PTPRN2: variants seen among roughly 807,000 people sequenced by gnomAD.
PTPRN2 encodes the protein receptor-type tyrosine-protein phosphatase N2.
In PTPRN2, 74 loss-of-function variants were observed where a neutral mutation model predicts 118.8. The ratio of observed to expected loss-of-function variants is 0.62; its 90% CI spans 0.52 to 0.76. The LOEUF is 0.76. Ranked by LOEUF, PTPRN2 falls within the 30% of genes least tolerant of loss-of-function variation. The pLI is 0.00. For synonymous variants in PTPRN2, 641 were observed against 608.0 expected (o/e 1.05, Z -0.80); for missense variants, 1,481 against 1,394.4 (o/e 1.06, Z -0.99).
chr7:157,618,423 A>T lies in PTPRN2; in HGVS notation c.2344+2939T>A, dbSNP rs2150628412. 6.6e-6 allele frequency: 1 copy of T among 152,406 alleles called. No homozygotes were observed. The highest frequency in any genetic ancestry group is 2.4e-5 in the African/African-American group (1 of 41,550). 9.4% of individuals were successfully genotyped at this position (152,406 alleles called of 1,614,324 possible). Reference sequence around the variant, plus strand: ...AGCATGCAGACTCGCTTCCATCGCGACACAGAGGACAGCATGGAGCCCAGC... The same window carrying T: ...AGCATGCAGACTCGCTTCCATCGCGTCACAGAGGACAGCATGGAGCCCAGC... On this transcript the variant is annotated intron_variant, in intron 15 of 22. Transcript: ENST00000389418. The surrounding 1 kb of genome is among the most constrained non-coding windows in gnomAD (Gnocchi z 4.2).
intron 12 of PTPRN2, among the ~76,000 whole-genome samples, chr7:157,880,064 T>C (rs1185565636): frequency 6.6e-6 from 1 of 152,224 alleles, no homozygotes; most frequent in Middle Eastern, 3.2e-3. Context: ...TGGTTGAAAA[T>C]GACAGCTTCC....
Position 157,560,365 on chromosome 7 carries a change from C to T in PTPRN2, c.2902+8537G>A, listed in dbSNP as rs1275978375. ...GTGCTGCCCACACGGATGCCCAGAG[C>T]GTGTTCCCCAAGACCAGCGGGTCTC... On this transcript the variant is annotated intron_variant, in intron 21 of 22. Coordinates refer to ENST00000389418, the MANE Select transcript of PTPRN2 (RefSeq NM_002847.5). The surrounding 1 kb of genome is among the most constrained non-coding windows in gnomAD (Gnocchi z 6.7). Among the ~76,000 whole-genome samples, 3 of 152,148 alleles carry T rather than the reference C, an allele frequency of 2.0e-5. No individual in the cohort carries two copies. The highest frequency in any genetic ancestry group is 4.1e-4 in the South Asian group (2 of 4,832).
chr7:158,565,566 G>A lies in PTPRN2; in HGVS notation c.112+21992C>T, dbSNP rs750362211. Among the ~76,000 whole-genome samples, 8 of 152,160 alleles carry A rather than the reference G, an allele frequency of 5.3e-5. No individual in the cohort carries two copies. Among genetic ancestry groups the A allele is most frequent in the South Asian group, 2.1e-4 (1 of 4,830 alleles). On this transcript the variant is annotated intron_variant, in intron 1 of 22. Transcript: ENST00000389418. The surrounding 1 kb of genome is among the most constrained non-coding windows in gnomAD (Gnocchi z 4.6). ...TCTTAACTCGGACGGCAAACTTCCC[G>A]TCTGGGATCTGCAGGCTTCAACAAC...
In PTPRN2 at chr7:158,072,833, TG is replaced by T. The variant is rs377404513; in HGVS notation, c.1723+8464del. ...GGGAGAGTTTCAGATGCCAACGGGC[TG>T]GCGGAACATAATTTTTTAAATAATT... On this transcript the variant is annotated intron_variant, in intron 11 of 22. Transcript: ENST00000389418. Among the ~76,000 whole-genome samples, 100 of 152,332 alleles carry T rather than the reference TG, an allele frequency of 6.6e-4. 1 individual carries two copies. Among genetic ancestry groups the T allele is most frequent in the African/African-American group, 2.3e-3 (94 of 41,582 alleles).
intron 2 of PTPRN2, among the ~76,000 whole-genome samples, chr7:158,457,052 A>G (rs1232919104): frequency 6.6e-6 from 1 of 152,184 alleles, no homozygotes; most frequent in African/African-American, 2.4e-5. Context: ...TTAAAAAAAA[A>G]GTCATCTTGT....
chr7:157,922,608 T>C (rs1422385213), intron 11 of PTPRN2, among the ~76,000 whole-genome samples: 1 of 152,204 alleles, frequency 6.6e-6, no homozygotes, highest in African/African-American at 2.4e-5. Context: ...AAGAATGACT[T>C]TGTTCCCATG....
chr7:157,849,431 C>G (rs1382806522), intron 12 of PTPRN2, among the ~76,000 whole-genome samples: 1 of 152,198 alleles, frequency 6.6e-6, no homozygotes, highest in Non-Finnish European at 1.5e-5. Flanking sequence ...GAAGGTCTCC[C>G]AGGTCCCTGA....
chr7:158,320,896 T>C (rs1802958050), intron 2 of PTPRN2, among the ~76,000 whole-genome samples: 1 of 152,110 alleles, frequency 6.6e-6, no homozygotes, highest in South Asian at 2.1e-4. Context: ...GATACGTGCC[T>C]AGCAGTGAAA....
intron 3 of PTPRN2, among the ~76,000 whole-genome samples, chr7:158,307,457 G>A (rs1801385389): frequency 6.6e-6 from 1 of 152,084 alleles, no homozygotes; most frequent in Non-Finnish European, 1.5e-5. Flanking sequence ...CCAATGTACT[G>A]AGATACACGT....
intron 12 of PTPRN2, among the ~76,000 whole-genome samples, chr7:157,823,943 A>G (rs1807010964): frequency 6.6e-6 from 1 of 152,202 alleles, no homozygotes; most frequent in South Asian, 2.1e-4. Context: ...GGTATGAGAC[A>G]GACAGAGAAA....
chr7:157,681,423 C>G (rs1796910622), intron 13 of PTPRN2, among the ~76,000 whole-genome samples: 1 of 152,192 alleles, frequency 6.6e-6, no homozygotes, highest in African/African-American at 2.4e-5. Flanking sequence ...TGAAGCAAAG[C>G]TATGCACTGC....
intron 11 of PTPRN2, among the ~76,000 whole-genome samples, chr7:157,930,711 G>C (rs547786649): frequency 2.6e-5 from 4 of 152,320 alleles, no homozygotes; most frequent in Non-Finnish European, 4.4e-5. Context: ...GCAGGTAAGC[G>C]GGCAGCTTCC....
At chr7:158,531,105 C>T (rs368021082) in intron 1 of PTPRN2, among the ~76,000 whole-genome samples, 1 of 152,100 alleles carries the variant, frequency 6.6e-6, no homozygotes, top group Non-Finnish European at 1.5e-5. Flanking sequence ...GTGTTCAAAG[C>T]GAGAGGATCC....
rs192487130 is a variant in PTPRN2, at chr7:158,351,195, C to G, written c.164-34263G>C. ...GCACGGGTGAGGTGCAGGAGGAACT[C>G]GTGCTACCACCTCCACCCACCCCCA... On this transcript the variant is annotated intron_variant, in intron 2 of 22. Transcript: ENST00000389418. Among the ~76,000 whole-genome samples the G allele has an allele frequency of 6.8e-4, 104 of 152,292 alleles. 1 individual carries two copies. The highest frequency in any genetic ancestry group is 3.9e-3 in the South Asian group (19 of 4,824).
chr7:157,898,829 A>C (rs1434211728), intron 11 of PTPRN2, 92 bp from the exon 12 acceptor site: 1 of 1,179,466 alleles, frequency 8.5e-7, no homozygotes, highest in Non-Finnish European at 1.3e-6. Context: ...TGAAAATTTC[A>C]ATTACATGAC....
intron 2 of PTPRN2, among the ~76,000 whole-genome samples, chr7:158,351,444 T>C (rs1291790181): frequency 2.0e-5 from 3 of 152,202 alleles, no homozygotes; most frequent in Non-Finnish European, 4.4e-5. Flanking sequence ...ACACTGTACC[T>C]GCTTTCCTTC....
chr7:158,083,246 C>A (rs1014399423), intron 10 of PTPRN2, among the ~76,000 whole-genome samples: 1 of 152,114 alleles, frequency 6.6e-6, no homozygotes, highest in Non-Finnish European at 1.5e-5. Flanking sequence ...GCCTCACCCA[C>A]GCAGGAGGTG....
intron 10 of PTPRN2, among the ~76,000 whole-genome samples, chr7:158,103,750 C>T (rs887312039): frequency 1.2e-4 from 19 of 152,154 alleles, no homozygotes; most frequent in Non-Finnish European, 2.4e-4. Context: ...CCAATGGTGT[C>T]GGGGGCCACA....
chr7:158,209,121 AAAGT>A lies in PTPRN2; in HGVS notation c.278-3852_278-3849del, dbSNP rs1827385005. On this transcript the variant is annotated intron_variant, in intron 3 of 22. Transcript: ENST00000389418. Reference sequence around the variant, plus strand: ...AGAAAATCACTTTCACTTAAAAAAAAAAGTAAGGAAAGAAATAAGAAAGAGAAGA... The same window carrying A: ...AGAAAATCACTTTCACTTAAAAAAAAAAGGAAAGAAATAAGAAAGAGAAGA... Among the ~76,000 whole-genome samples, 22 of 152,170 alleles carry A rather than the reference AAAGT, an allele frequency of 1.4e-4. No individual in the cohort carries two copies. In the South Asian group the frequency reaches 4.4e-3, roughly 30 times the overall value.
Sources: gnomAD v4.1 joint callset for allele counts (sites outside exome capture counted in the v4.1 genomes callset) on GRCh38, gnomAD v4.1.1 for gene constraint, Gnocchi (gnomAD v3.1) non-coding constraint, MANE v1.5 for transcripts, NCBI Gene and HGNC (gene_info 2026-07-23, HGNC 2026-07-21) for gene names.